Variants in NTRK2 observed in about 807,000 individuals in gnomAD.
NTRK2 encodes the protein BDNF/NT-3 growth factors receptor.
Under a neutral mutation model 94.5 loss-of-function variants are expected in NTRK2, and 13 were observed. The observed-to-expected ratio is 0.14, with a 90% confidence interval of 0.09 to 0.22. NTRK2 has a LOEUF of 0.22. Ranked by LOEUF, NTRK2 falls within the 10% of genes least tolerant of loss-of-function variation. The pLI, the probability that NTRK2 is intolerant of heterozygous loss-of-function variation, is 1.00. For synonymous variants in NTRK2, 372 were observed against 407.4 expected (o/e 0.91, Z 1.05); for missense variants, 639 against 1,071.2 (o/e 0.60, Z 5.63).
At chr9:84,881,847 T>C (rs915260450) in intron 14 of NTRK2, among the ~76,000 whole-genome samples, 26 of 152,366 alleles carry the variant, frequency 1.7e-4, no homozygotes, top group South Asian at 1.2e-3. Context: ...CCTGTCTGGT[T>C]TTGTAACTTG....
At chr9:84,776,378 C>T (rs2067047674) in intron 12 of NTRK2, among the ~76,000 whole-genome samples, 1 of 152,108 alleles carries the variant, frequency 6.6e-6, no homozygotes, top group Non-Finnish European at 1.5e-5. Context: ...TGTGCCACCA[C>T]ACCCAGCTAA....
intron 16 of NTRK2, among the ~76,000 whole-genome samples, chr9:84,949,700 G>A (rs1361514782): frequency 7.2e-5 from 11 of 151,998 alleles, no homozygotes; most frequent in African/African-American, 2.4e-4. Context: ...TCCTGACCTC[G>A]AGTGATCTGC....
chr9:84,966,957 A>G (rs1205576119), intron 17 of NTRK2, among the ~76,000 whole-genome samples: 1 of 152,152 alleles, frequency 6.6e-6, no homozygotes, highest in Non-Finnish European at 1.5e-5. Context: ...AGGACTTCTG[A>G]TGGGAAAGAC....
intron 14 of NTRK2, among the ~76,000 whole-genome samples, chr9:84,870,020 T>C (rs1374883280): frequency 6.7e-6 from 1 of 149,478 alleles, no homozygotes; most frequent in Non-Finnish European, 1.5e-5. Context: ...TGTATAGACC[T>C]GACATGTAGA....
In NTRK2 at chr9:84,935,071, A is replaced by G. The variant is rs145074899; in HGVS notation, c.1764+779A>G. ...TTTTCAAAAAATTTTTAACTCACCA[A>G]AATAATGGGTAATATATATTTAAAA... is the stretch of plus-strand genomic sequence containing the variant. On this transcript the variant is annotated intron_variant, in intron 15 of 18. Transcript: ENST00000277120. 4.4e-3 allele frequency among the ~76,000 whole-genome samples: 673 copies of G among 152,310 alleles called. 13 individuals carry two copies. The highest frequency in any genetic ancestry group is 0.04 in the Admixed American group (605 of 15,298).
chr9:84,750,018 C>G (rs928230588), intron 11 of NTRK2, among the ~76,000 whole-genome samples: 1 of 152,154 alleles, frequency 6.6e-6, no homozygotes, highest in African/African-American at 2.4e-5. Context: ...ACAAAGCATC[C>G]ACATTTTTAA....
chr9:84,814,532 C>G, intron 12 of NTRK2: 1 of 1,065,766 alleles, frequency 9.4e-7, no homozygotes, highest in Non-Finnish European at 1.1e-6. Flanking sequence ...AGAATTAGAA[C>G]ACACACGACT....
intron 2 of NTRK2, among the ~76,000 whole-genome samples, chr9:84,691,015 A>G (rs2060020145): frequency 6.6e-6 from 1 of 152,220 alleles, no homozygotes; most frequent in Admixed American, 6.5e-5. Flanking sequence ...GGTAAAAATG[A>G]GAGGGATGAA....
At chr9:84,815,725 T>G in intron 12 of NTRK2, 1 of 1,007,050 alleles carries the variant, frequency 9.9e-7, no homozygotes, top group Non-Finnish European at 1.2e-6. Flanking sequence ...TTGCATTCTC[T>G]GTAGATCTTG....
At chr9:84,979,116 C>T (rs1442089290) in intron 17 of NTRK2, among the ~76,000 whole-genome samples, 2 of 152,180 alleles carry the variant, frequency 1.3e-5, no homozygotes, top group East Asian at 3.8e-4. Context: ...GCCCATGGAT[C>T]AAGGAGGCAT....
rs1402531020 is a variant in NTRK2 at position 85,023,919 on chromosome 9, T to C, written c.*2482T>C. The C allele has an allele frequency of 4.4e-6, 1 of 229,858 alleles. No individual in the cohort carries two copies. Among genetic ancestry groups the C allele is most frequent in the African/African-American group, 2.2e-5 (1 of 45,134 alleles). 14.2% of individuals were successfully genotyped at this position (229,858 alleles called of 1,614,324 possible). A position where few individuals can be genotyped will look rare whatever the true frequency, so the allele number is the denominator to read the frequency against. Reference sequence around the variant, plus strand: ...AAGGGATCAAATTCAAGGAGGAATGTGCAATTTTAGAGCAAAGATTTGTTT... The same window carrying C: ...AAGGGATCAAATTCAAGGAGGAATGCGCAATTTTAGAGCAAAGATTTGTTT... On this transcript the variant is annotated 3_prime_UTR_variant, in exon 19 of 19. Transcript: ENST00000277120.
At chr9:84,755,525 C>CTTTTTTTTTTTTTTTTTTTTTTT (rs745611460) in intron 12 of NTRK2, among the ~76,000 whole-genome samples, 2 of 60,656 alleles carry the variant, frequency 3.3e-5, no homozygotes, top group African/African-American at 1.4e-4. Context: ...AGTCCCACCT[C>CTTTTTTTTTTTTTTTTTTTTTTT]TTTTTTTTTT....
intron 12 of NTRK2, among the ~76,000 whole-genome samples, chr9:84,801,201 C>A (rs2070400846): frequency 6.6e-6 from 1 of 152,058 alleles, no homozygotes; most frequent in African/African-American, 2.4e-5. Context: ...TCAGAGAGGT[C>A]CCCTCACTTG....
intron 12 of NTRK2, chr9:84,811,048 A>G: frequency 2.8e-6 from 3 of 1,078,532 alleles, no homozygotes; most frequent in Non-Finnish European, 3.4e-6. Flanking sequence ...CATGTAACAC[A>G]TATTTTAGTG....
chr9:84,924,925 G>T (rs1564469508), intron 14 of NTRK2, among the ~76,000 whole-genome samples: 1 of 152,100 alleles, frequency 6.6e-6, no homozygotes. Flanking sequence ...TTTGCAGCAG[G>T]CTATCTAGTC....
intron 2 of NTRK2, among the ~76,000 whole-genome samples, chr9:84,693,068 T>C (rs773805709): frequency 2.6e-5 from 4 of 152,200 alleles, no homozygotes; most frequent in Non-Finnish European, 5.9e-5. Flanking sequence ...ACCTTCTGTT[T>C]TCTTAAGACA....
At chr9:84,701,831 G>T (rs1387415119) in intron 2 of NTRK2, among the ~76,000 whole-genome samples, 2 of 152,210 alleles carry the variant, frequency 1.3e-5, no homozygotes, top group Admixed American at 1.3e-4. Flanking sequence ...CCTTTGAGAG[G>T]AGTAGATGCA....
chr9:84,802,501 G>T (rs559553397), intron 12 of NTRK2, among the ~76,000 whole-genome samples: 8 of 152,358 alleles, frequency 5.3e-5, no homozygotes, highest in East Asian at 3.9e-4. Flanking sequence ...GTAAGACATT[G>T]TTGAGCATTA....
At chr9:84,882,293 C>T (rs990853043) in intron 14 of NTRK2, among the ~76,000 whole-genome samples, 1 of 152,180 alleles carries the variant, frequency 6.6e-6, no homozygotes, top group Admixed American at 6.5e-5. Context: ...GCAACTTTCT[C>T]ATTTTCCCTG....
Sources: allele counts gnomAD v4.1 joint callset (sites outside exome capture counted in the v4.1 genomes callset), GRCh38; gene constraint gnomAD v4.1.1; transcripts MANE v1.5; gene names NCBI Gene and HGNC (gene_info 2026-07-23, HGNC 2026-07-21).